The following NOVA2 variants were observed in gnomAD, a reference collection of about 807,000 sequenced individuals.
NOVA2 encodes NOVA alternative splicing regulator 2.
A neutral mutation model predicts 22.5 loss-of-function variants in NOVA2; 9 were observed. The ratio of observed to expected loss-of-function variants is 0.40; its 90% CI spans 0.24 to 0.70. The LOEUF (loss-of-function observed/expected upper bound fraction) is 0.70. Among genes scored for constraint, NOVA2 ranks in the 30% least tolerant of loss-of-function variants. The probability of loss-of-function intolerance (pLI) is 0.38; values close to 1 mark genes in which losing one functional copy is unlikely to be tolerated. For synonymous variants in NOVA2, 318 were observed against 335.2 expected, an observed-to-expected ratio of 0.95 and a Z score of 0.56; for missense variants, 383 against 682.8, an observed-to-expected ratio of 0.56 and a Z score of 4.89.
intron 2 of NOVA2, among the ~76,000 whole-genome samples, chr19:45,955,876 GA>G (rs1181709967): frequency 1.3e-5 from 2 of 151,492 alleles, no homozygotes; most frequent in South Asian, 2.1e-4. Flanking sequence ...ACAAAAAAAA[GA>G]AAAAAAACAA....
intron 2 of NOVA2, 36 bp downstream of exon 2, chr19:45,960,973 CG>C (rs775879726): frequency 5.2e-5 from 80 of 1,546,936 alleles, no homozygotes; most frequent in Middle Eastern, 1.8e-4. Context: ...GGAGGAAGGG[CG>C]GGGGGCCTAG....
chr19:45,949,465 C>T (rs2146413556), intron 3 of NOVA2, among the ~76,000 whole-genome samples: 1 of 152,056 alleles, frequency 6.6e-6, no homozygotes, highest in East Asian at 1.9e-4. Context: ...ATAGATTGGC[C>T]AAGAAAAGGT....
Position 45,940,153 on chromosome 19 carries a change from C to A in NOVA2, c.1189G>T (p.Ala397Ser). 1 of 1,606,166 alleles carries A rather than the reference C, an allele frequency of 6.2e-7. No homozygotes were observed. Among genetic ancestry groups the A allele is most frequent in the Non-Finnish European group, 8.5e-7 (1 of 1,178,936 alleles). ...GCACTCTCAGCCGCCAGCTTCTCCGCCGTCAGGAAGCCCCCGGCCGCCCCG... is the reference window on the plus strand; with the variant it reads ...GCACTCTCAGCCGCCAGCTTCTCCGACGTCAGGAAGCCCCCGGCCGCCCCG... ...AAGAAGGFLTAEKLAAESAKE... is the reference protein window; with the variant it reads ...AAGAAGGFLTSEKLAAESAKE... Residue 397 changes from alanine to serine, a missense_variant, in exon 4 of 4, where the codon GCG (alanine) becomes TCG (serine). By Grantham distance (99) the Ala-to-Ser change is moderately conservative. Around this residue, in one of 2 missense-constraint regions of NOVA2, gnomAD observed 349 missense variants for 578.1 expected, o/e 0.60. Coordinates refer to ENST00000263257, the MANE Select transcript of NOVA2 (RefSeq NM_002516.4).
chr19:45,969,509 G>GAAA lies in NOVA2; in HGVS notation c.85+3755_85+3757dup, dbSNP rs397946088. Among the ~76,000 whole-genome samples, 60 of 40,554 alleles carry GAAA rather than the reference G, an allele frequency of 1.5e-3. 4 individuals are homozygous for GAAA. The highest frequency in any genetic ancestry group is 3.9e-3 in the African/African-American group (32 of 8,142). The allele number at this position is 40,554 out of a possible 152,430, so 26.6% of individuals were successfully genotyped here. A position where few individuals can be genotyped will look rare whatever the true frequency, so the allele number is the denominator to read the frequency against. On this transcript the variant is annotated intron_variant, in intron 1 of 3. Coordinates refer to ENST00000263257, the MANE Select transcript of NOVA2 (RefSeq NM_002516.4). Reference sequence around the variant, plus strand: ...GGTGACAGAGTGAGACCCTGTCTCAGAAAAAAAAAAAAAAAAAAAAAAAAA... The same window carrying GAAA: ...GGTGACAGAGTGAGACCCTGTCTCAGAAAAAAAAAAAAAAAAAAAAAAAAAAAA...
chr19:45,945,489 G>A (rs1223317098), intron 3 of NOVA2, among the ~76,000 whole-genome samples: 1 of 151,412 alleles, frequency 6.6e-6, no homozygotes, highest in Non-Finnish European at 1.5e-5. Flanking sequence ...ACCCAGGCTG[G>A]AGTGCAGTGG....
At chr19:45,947,968 C>T (rs1406508380) in intron 3 of NOVA2, among the ~76,000 whole-genome samples, 3 of 152,122 alleles carry the variant, frequency 2.0e-5, no homozygotes, top group African/African-American at 4.8e-5. Flanking sequence ...AGGGACCTAA[C>T]CTCTTTGAGA....
At chr19:45,947,179 T>C (rs1967853608) in intron 3 of NOVA2, among the ~76,000 whole-genome samples, 1 of 152,092 alleles carries the variant, frequency 6.6e-6, no homozygotes, top group Admixed American at 6.6e-5. Flanking sequence ...ATCCACGAGG[T>C]TAGAGATTTT....
chr19:45,937,591 G>A lies in NOVA2; in HGVS notation c.*2272C>T, dbSNP rs1177620820. 6.6e-6 allele frequency: 1 copy of A among 152,086 alleles called. No homozygotes were observed. The highest frequency in any genetic ancestry group is 1.9e-4 in the East Asian group (1 of 5,190). The allele number at this position is 152,086 out of a possible 1,614,324, so 9.4% of individuals were successfully genotyped here. A position where few individuals can be genotyped will look rare whatever the true frequency, so the allele number is the denominator to read the frequency against. Reference sequence around the variant, plus strand: ...AACGGTAGTAGAAGATATGTACAAAGTTACATCAAGAATTGTTTTGGCACT... The same window carrying A: ...AACGGTAGTAGAAGATATGTACAAAATTACATCAAGAATTGTTTTGGCACT... On this transcript the variant is annotated 3_prime_UTR_variant, in exon 4 of 4. Coordinates refer to ENST00000263257, the MANE Select transcript of NOVA2 (RefSeq NM_002516.4).
chr19:45,952,271 T>C (rs1036062380), intron 3 of NOVA2, among the ~76,000 whole-genome samples: 32 of 152,192 alleles, frequency 2.1e-4, no homozygotes, highest in Non-Finnish European at 5.9e-5. Flanking sequence ...CCATCACCCT[T>C]AAGGAGGCAT....
rs749748282 is a variant in NOVA2, at chr19:45,940,784, G to C, written c.558C>G (p.Pro186=). The C allele has an allele frequency of 5.6e-6, 9 of 1,607,566 alleles. No individual in the cohort carries two copies. The highest frequency in any genetic ancestry group is 5.0e-5 in the Admixed American group (3 of 59,978). The stretch of plus-strand genomic sequence containing the variant: ...CGCTCACGGCCTTGTGCACCTGCTC[G>C]GGCTCGCCGCTGACCGTCACCACGC... ...QERVVTVSGE[P]EQVHKAVSAI... is the part of the protein sequence containing the mutation. The change falls in exon 4 of 4, where the codon CCC becomes CCG. Residue 186 remains proline, a synonymous_variant. Coordinates refer to ENST00000263257, the MANE Select transcript of NOVA2 (RefSeq NM_002516.4).
At chr19:45,970,220 T>C (rs936859095) in intron 1 of NOVA2, among the ~76,000 whole-genome samples, 1 of 152,200 alleles carries the variant, frequency 6.6e-6, no homozygotes, top group Non-Finnish European at 1.5e-5. Flanking sequence ...CTTCCCATGA[T>C]AGTTCCTGGC....
intron 2 of NOVA2, among the ~76,000 whole-genome samples, chr19:45,960,025 T>C (rs768980650): frequency 6.9e-6 from 1 of 145,120 alleles, no homozygotes; most frequent in Non-Finnish European, 1.5e-5. Flanking sequence ...GGGAGGGAGA[T>C]AGGGAGAGGT....
chr19:45,944,978 TG>T, intron 3 of NOVA2, among the ~76,000 whole-genome samples: 1 of 151,824 alleles, frequency 6.6e-6, no homozygotes, highest in Non-Finnish European at 1.5e-5. Flanking sequence ...TGAGCTGAGG[TG>T]GGAGATCGAG....
At chr19:45,967,176 G>A (rs2341635) in intron 1 of NOVA2, among the ~76,000 whole-genome samples, 46,216 of 151,640 alleles carry the variant, frequency 0.3, 7,425 homozygotes, top group East Asian at 0.51. Context: ...AGGAGTCCCC[G>A]TTGTGAGCAT....
chr19:45,946,889 A>G (rs1391515855), intron 3 of NOVA2, among the ~76,000 whole-genome samples: 1 of 151,988 alleles, frequency 6.6e-6, no homozygotes, highest in Admixed American at 6.6e-5. Flanking sequence ...AAAAAAAAAA[A>G]AATCACAACA....
At position 45,937,972 on chromosome 19, in the gene NOVA2, G is replaced by A. The variant is rs1343450151; in HGVS notation, c.*1891C>T. 1.3e-5 allele frequency: 2 copies of A among 152,080 alleles called. No homozygotes were observed. Among genetic ancestry groups the A allele is most frequent in the African/African-American group, 2.4e-5 (1 of 41,422 alleles). 9.4% of individuals were successfully genotyped at this position (152,080 alleles called of 1,614,324 possible). A position where few individuals can be genotyped will look rare whatever the true frequency, so the allele number is the denominator to read the frequency against. On this transcript the variant is annotated 3_prime_UTR_variant, in exon 4 of 4. Transcript: ENST00000263257. ...ACAAGGAGGCTGGATTTCCCCCAAAGTCATAGAGAAGAAAAGGGTTTGGAA... is the reference window on the plus strand; with the variant it reads ...ACAAGGAGGCTGGATTTCCCCCAAAATCATAGAGAAGAAAAGGGTTTGGAA...
At chr19:45,959,656 T>C (rs940411252) in intron 2 of NOVA2, among the ~76,000 whole-genome samples, 16 of 148,778 alleles carry the variant, frequency 1.1e-4, no homozygotes, top group Non-Finnish European at 5.9e-5. Context: ...TTGCCAAAGC[T>C]GCTTAGTGAG....
chr19:45,941,406 G>A (rs1967756651), intron 3 of NOVA2, among the ~76,000 whole-genome samples: 1 of 151,682 alleles, frequency 6.6e-6, no homozygotes, highest in Non-Finnish European at 1.5e-5. Context: ...TGGCCTCAAG[G>A]GATCTCCTGC....
chr19:45,969,500 C>T (rs1968206956), intron 1 of NOVA2, among the ~76,000 whole-genome samples: 1 of 120,250 alleles, frequency 8.3e-6, no homozygotes, highest in Non-Finnish European at 1.7e-5. Flanking sequence ...AGAGTGAGAC[C>T]CTGTCTCAGA....
Sources: allele counts gnomAD v4.1 joint callset (sites outside exome capture counted in the v4.1 genomes callset), GRCh38; gene constraint gnomAD v4.1.1; regional missense constraint gnomAD v4.1.1; transcripts MANE v1.5; gene names NCBI Gene and HGNC (gene_info 2026-07-23, HGNC 2026-07-21).